VIT: variants seen among roughly 807,000 people sequenced by gnomAD.
The protein encoded by VIT is vitrin.
In VIT, 99 loss-of-function variants were observed where a neutral mutation model predicts 78.0. The observed-to-expected ratio is 1.27, with a 90% CI of 1.08 to 1.50. The LOEUF (loss-of-function observed/expected upper bound fraction) is 1.50. Among genes scored for constraint, VIT ranks in the 40% most tolerant of loss-of-function variants. The pLI is 0.00. For synonymous variants in VIT, 374 were observed against 334.3 expected (o/e 1.12, Z -1.29); for missense variants, 1,126 against 875.3 (o/e 1.29, Z -3.61).
In VIT at chr2:36,699,900, T is replaced by C. The variant is rs1664941275; in HGVS notation, c.-19+2927T>C. On this transcript the variant is annotated intron_variant, in intron 1 of 15. Transcript: ENST00000379242. The stretch of plus-strand genomic sequence containing the variant: ...CTGTTACTTTTTCAATGTGTTAACT[T>C]TGGCAAGTTACTTAAAGTCTCTTGG... Among the ~76,000 whole-genome samples the C allele has an allele frequency of 3.3e-5, 5 of 152,174 alleles. No individual in the cohort carries two copies. The South Asian group carries it at 1.0e-3, about 32-fold the overall frequency.
At chr2:36,702,331 T>C (rs981616483) in intron 1 of VIT, among the ~76,000 whole-genome samples, 3 of 151,992 alleles carry the variant, frequency 2.0e-5, no homozygotes, top group Admixed American at 6.6e-5. Context: ...AGACACCGCC[T>C]ACCGCTCACT....
At chr2:36,774,819 C>G in intron 8 of VIT, 183 bp from the exon 9 acceptor site, 3 of 985,386 alleles carry the variant, frequency 3.0e-6, no homozygotes, top group South Asian at 4.7e-5. Context: ...ACTGTTTCCT[C>G]CTGTCCCCTT....
At chr2:36,785,323 CTG>C (rs956823888) in intron 11 of VIT, among the ~76,000 whole-genome samples, 2 of 152,120 alleles carry the variant, frequency 1.3e-5, no homozygotes, top group African/African-American at 4.8e-5. Context: ...GTCTAGCAAA[CTG>C]TAGGTGCTAG....
chr2:36,759,806 T>C, intron 6 of VIT: 1 of 436,208 alleles, frequency 2.3e-6, no homozygotes. Flanking sequence ...TAGCATTTAT[T>C]GAGCATTTGC....
At position 36,805,645 on chromosome 2, in the gene VIT, A is replaced by C; in HGVS notation, c.1370A>C (p.Glu457Ala). 6.2e-7 allele frequency: 1 copy of C among 1,613,788 alleles called. No homozygotes were observed. The highest frequency in any genetic ancestry group is 8.5e-7 in the Non-Finnish European group (1 of 1,179,758). The change falls in exon 14 of 16, where the codon GAG becomes GCG. Residue 457 changes from glutamate to alanine, a missense_variant. Coordinates refer to ENST00000379242, the MANE Select transcript of VIT (RefSeq NM_053276.4). ...GAAAATGAGAAGCAGTATGTGGTGG[A>C]GCCCAACTTTGCAAACAAGGTAGAT... ...AAENEKQYVV[E>A]PNFANKAVCR... is the part of the protein sequence containing the mutation.
chr2:36,806,526 G>A (rs886915995), intron 14 of VIT, among the ~76,000 whole-genome samples: 1 of 151,926 alleles, frequency 6.6e-6, no homozygotes, highest in Non-Finnish European at 1.5e-5. Flanking sequence ...ATCCCTCCCA[G>A]GGTCACTGCT....
chr2:36,746,470 T>C (rs1668143000), intron 4 of VIT, among the ~76,000 whole-genome samples: 1 of 152,048 alleles, frequency 6.6e-6, no homozygotes, highest in African/African-American at 2.4e-5. Flanking sequence ...TTATTATTAA[T>C]TCAATTTCCA....
intron 14 of VIT, among the ~76,000 whole-genome samples, chr2:36,808,248 C>T (rs1420916671): frequency 6.6e-6 from 1 of 152,236 alleles, no homozygotes; most frequent in East Asian, 1.9e-4. Context: ...CTAACGCAGG[C>T]AGGGACTCAG....
rs1212694310 is a variant in VIT at position 36,805,729 on chromosome 2, C to T, written c.1389+65C>T. ...TCTGCACTCTGAAAAATTGTAACGCCGTTGCAGTGGTTTTCCCATGCCTTT... is the reference window on the plus strand; with the variant it reads ...TCTGCACTCTGAAAAATTGTAACGCTGTTGCAGTGGTTTTCCCATGCCTTT... On this transcript the variant is annotated intron_variant, in intron 14 of 15. Coordinates refer to ENST00000379242, the MANE Select transcript of VIT (RefSeq NM_053276.4). 43 of 1,525,546 alleles carry T rather than the reference C, an allele frequency of 2.8e-5. No homozygotes were observed. In the South Asian group the frequency reaches 2.9e-4, roughly 10 times the overall value. 94.5% of individuals were successfully genotyped at this position (1,525,546 alleles called of 1,614,324 possible). A position where few individuals can be genotyped will look rare whatever the true frequency, so the allele number is the denominator to read the frequency against.
At chr2:36,763,153 C>G (rs1669222702) in intron 6 of VIT, among the ~76,000 whole-genome samples, 2 of 152,318 alleles carry the variant, frequency 1.3e-5, no homozygotes, top group South Asian at 4.1e-4. Flanking sequence ...CGCTGTGGTT[C>G]TCAAATGAGA....
intron 2 of VIT, among the ~76,000 whole-genome samples, chr2:36,721,562 G>T (rs557794020): frequency 6.6e-6 from 1 of 152,196 alleles, no homozygotes; most frequent in South Asian, 2.1e-4. Context: ...TGCTCTCCAT[G>T]CAAACTCAGT....
chr2:36,700,740 A>AAAT (rs35617030), intron 1 of VIT, among the ~76,000 whole-genome samples: 47 of 150,714 alleles, frequency 3.1e-4, no homozygotes, highest in Middle Eastern at 3.4e-3. Context: ...TATCTCAATT[A>AAAT]AATAATAATA....
intron 4 of VIT, among the ~76,000 whole-genome samples, chr2:36,750,761 C>T (rs555881754): frequency 5.6e-4 from 84 of 151,142 alleles, no homozygotes; most frequent in African/African-American, 1.8e-3. Context: ...GCGGAGGTTG[C>T]GGTGAGCCAA....
intron 12 of VIT, among the ~76,000 whole-genome samples, chr2:36,800,065 G>T (rs1666206343): frequency 7.0e-6 from 1 of 143,252 alleles, no homozygotes; most frequent in Admixed American, 6.8e-5. Flanking sequence ...AAAAAAAAAT[G>T]GCCGGGCACG....
At chr2:36,717,850 C>T (rs1236294069) in intron 2 of VIT, among the ~76,000 whole-genome samples, 1 of 152,154 alleles carries the variant, frequency 6.6e-6, no homozygotes, top group African/African-American at 2.4e-5. Flanking sequence ...TTCTCTCCAC[C>T]CTCTGGAGAC....
chr2:36,783,972 A>G (rs1333345921), intron 11 of VIT, among the ~76,000 whole-genome samples: 1 of 152,204 alleles, frequency 6.6e-6, no homozygotes, highest in Admixed American at 6.5e-5. Context: ...ATTCAGAAGG[A>G]ACAGCCCAAT....
At chr2:36,767,375 T>A (rs1330845556) in intron 7 of VIT, 90 bp downstream of exon 7, 1 of 1,306,986 alleles carries the variant, frequency 7.7e-7, no homozygotes, top group Middle Eastern at 2.6e-4. Context: ...TCTACTGGGC[T>A]GGGTGAATGG....
At chr2:36,736,309 A>G (rs946940951) in intron 3 of VIT, among the ~76,000 whole-genome samples, 1 of 152,202 alleles carries the variant, frequency 6.6e-6, no homozygotes, top group African/African-American at 2.4e-5. Flanking sequence ...TTAAGGATTA[A>G]TTTCATTTAT....
intron 3 of VIT, among the ~76,000 whole-genome samples, chr2:36,736,434 C>G (rs1431246639): frequency 2.0e-5 from 3 of 152,172 alleles, no homozygotes; most frequent in African/African-American, 7.2e-5. Context: ...GACTCTAGAA[C>G]AATTCCTGCC....
Sources: allele counts gnomAD v4.1 joint callset (sites outside exome capture counted in the v4.1 genomes callset), GRCh38; gene constraint gnomAD v4.1.1; transcripts MANE v1.5; gene names NCBI Gene and HGNC (gene_info 2026-07-23, HGNC 2026-07-21).